The following TEX11 variants were observed in gnomAD, a reference collection of about 807,000 sequenced individuals.
TEX11 encodes testis expressed 11, also known as testis-expressed protein 11.
TEX11 carries 7 observed loss-of-function variants against 84.4 expected under a neutral mutation model. That is an observed-to-expected ratio of 0.08 (90% CI 0.05 to 0.16). The LOEUF (loss-of-function observed/expected upper bound fraction) is 0.16, where lower values mean the gene tolerates loss of function less well. Among genes scored for constraint, TEX11 ranks in the 10% least tolerant of loss-of-function variants. The pLI, the probability that TEX11 is intolerant of heterozygous loss-of-function variation, is 1.00. For missense variants in TEX11, 551 were observed against 660.5 expected (o/e 0.83, Z 1.82); for synonymous variants, 264 against 222.8 (o/e 1.18, Z -1.64).
At chrX:70,628,633 T>C (rs2089475469) in intron 18 of TEX11, among the ~76,000 whole-genome samples, 1 of 112,489 alleles carries the variant, frequency 8.9e-6, no homozygotes, top group Admixed American at 9.4e-5. Flanking sequence ...AAGGAACATA[T>C]TTCTAGCATC....
At chrX:70,558,268 T>C (rs1331947364) in intron 25 of TEX11, among the ~76,000 whole-genome samples, 1 of 111,262 alleles carries the variant, frequency 9.0e-6, no homozygotes, top group African/African-American at 3.3e-5. Flanking sequence ...AATAAAACAA[T>C]GTGTCTGTGG....
At chrX:70,874,768 A>C (rs2091647420) in intron 3 of TEX11, among the ~76,000 whole-genome samples, 1 of 111,594 alleles carries the variant, frequency 9.0e-6, no homozygotes, top group Non-Finnish European at 1.9e-5. Flanking sequence ...ACTGCACTCC[A>C]AATTACCCAG....
chrX:70,854,534 C>T (rs763578520), intron 5 of TEX11, among the ~76,000 whole-genome samples: 41 of 110,874 alleles, frequency 3.7e-4, no homozygotes, highest in Non-Finnish European at 6.0e-4. Context: ...AATTCAAGAC[C>T]GGCCTGAGCA....
chrX:70,646,343 C>A (rs974823057), intron 17 of TEX11, among the ~76,000 whole-genome samples: 1 of 111,802 alleles, frequency 8.9e-6, no homozygotes, highest in African/African-American at 3.2e-5. Context: ...AGGAAAAGTT[C>A]CACGACATTG....
intron 9 of TEX11, among the ~76,000 whole-genome samples, chrX:70,758,660 A>C (rs2090886067): frequency 8.9e-6 from 1 of 112,317 alleles, no homozygotes; most frequent in Non-Finnish European, 1.9e-5. Context: ...CCCACAAGAA[A>C]AAGCAAGAAA....
chrX:70,650,262 A>C (rs750471486), intron 17 of TEX11, among the ~76,000 whole-genome samples: 12 of 111,387 alleles, frequency 1.1e-4, no homozygotes, highest in Non-Finnish European at 2.1e-4. Context: ...TCATAGGACC[A>C]TACACTAGCA....
intron 20 of TEX11, 93 bp downstream of exon 20, chrX:70,623,857 A>G: frequency 1.3e-6 from 1 of 789,061 alleles, no homozygotes; most frequent in African/African-American, 2.1e-5. Flanking sequence ...GATCTTACCC[A>G]CTACACTAAG....
chrX:70,551,716 A>G (rs1416984866), intron 28 of TEX11, among the ~76,000 whole-genome samples: 1 of 111,428 alleles, frequency 9.0e-6, no homozygotes, highest in Admixed American at 9.6e-5. Context: ...AAGAAAAAGA[A>G]ATCAGCAGAG....
intron 16 of TEX11, among the ~76,000 whole-genome samples, chrX:70,660,792 T>C (rs1463005806): frequency 8.9e-6 from 1 of 112,285 alleles, no homozygotes; most frequent in Admixed American, 9.4e-5. Context: ...TCCCAACACT[T>C]TGGGAGGTCA....
intron 9 of TEX11, among the ~76,000 whole-genome samples, chrX:70,780,492 G>C (rs1355533926): frequency 8.9e-6 from 1 of 112,125 alleles, no homozygotes; most frequent in Non-Finnish European, 1.9e-5. Flanking sequence ...GTGAACCAAA[G>C]CAGGGTGGAG....
At chrX:70,717,449 G>T (rs2090516339) in intron 13 of TEX11, among the ~76,000 whole-genome samples, 3 of 110,271 alleles carry the variant, frequency 2.7e-5, no homozygotes, top group African/African-American at 9.9e-5. Context: ...CTCCTGAGTA[G>T]CTGGGATTAG....
chrX:70,796,923 C>T (rs777959850), intron 9 of TEX11, among the ~76,000 whole-genome samples: 1 of 112,086 alleles, frequency 8.9e-6, no homozygotes, highest in South Asian at 3.8e-4. Flanking sequence ...TACCATCTCA[C>T]ACCAGTCGAA....
chrX:70,905,279 C>A (rs769046988), intron 2 of TEX11, among the ~76,000 whole-genome samples: 2 of 110,953 alleles, frequency 1.8e-5, no homozygotes, highest in African/African-American at 6.6e-5. Context: ...GAGCCGAGAT[C>A]GTGCCACTAC....
intron 2 of TEX11, among the ~76,000 whole-genome samples, chrX:70,904,384 G>A (rs2091818982): frequency 9.0e-6 from 1 of 111,516 alleles, no homozygotes; most frequent in African/African-American, 3.3e-5. Context: ...TAACATTTGG[G>A]AAAATGAAAC....
At chrX:70,593,651 A>T (rs773016775) in intron 24 of TEX11, among the ~76,000 whole-genome samples, 2 of 112,240 alleles carry the variant, frequency 1.8e-5, no homozygotes, top group African/African-American at 6.5e-5. Flanking sequence ...TATGATAAAA[A>T]TGTTCATCAA....
chrX:70,621,579 A>AGATATATATATAT, intron 20 of TEX11, among the ~76,000 whole-genome samples: 1 of 37,901 alleles, frequency 2.6e-5, no homozygotes, highest in South Asian at 2.3e-3. Flanking sequence ...TATATATATA[A>AGATATATATATAT]ATAAAAATAA....
chrX:70,885,720 C>T lies in TEX11; in HGVS notation c.38-5611G>A, dbSNP rs191374951. Among the ~76,000 whole-genome samples the T allele has an allele frequency of 8.1e-3, 880 of 109,158 alleles. 7 individuals are homozygous for T. Among genetic ancestry groups the T allele is most frequent in the African/African-American group, 0.028 (842 of 30,015 alleles). 94.8% of individuals were successfully genotyped at this position (109,158 alleles called of 115,157 possible). A position where few individuals can be genotyped will look rare whatever the true frequency, so the allele number is the denominator to read the frequency against. ...CAGCCTGAGCAACATGGTGAAACCCCGTCTCTACCAAAAATACAAAAATTA... is the reference window on the plus strand; with the variant it reads ...CAGCCTGAGCAACATGGTGAAACCCTGTCTCTACCAAAAATACAAAAATTA... On this transcript the variant is annotated intron_variant, in intron 2 of 29. Transcript: ENST00000374333.
intron 7 of TEX11, among the ~76,000 whole-genome samples, chrX:70,846,622 T>G (rs1025547362): frequency 8.9e-6 from 1 of 111,913 alleles, no homozygotes; most frequent in Non-Finnish European, 1.9e-5. Flanking sequence ...CCAAATCTCA[T>G]GTTGAAATGT....
At chrX:70,890,274 C>T (rs772971833) in intron 2 of TEX11, among the ~76,000 whole-genome samples, 5 of 111,846 alleles carry the variant, frequency 4.5e-5, no homozygotes, top group Admixed American at 1.9e-4. Context: ...CCAACGTGAT[C>T]GACACAGAAG....
Sources: allele counts gnomAD v4.1 joint callset (sites outside exome capture counted in the v4.1 genomes callset), GRCh38; gene constraint gnomAD v4.1.1; transcripts MANE v1.5; gene names NCBI Gene and HGNC (gene_info 2026-07-23, HGNC 2026-07-21).